Variants in CDH4 observed in about 807,000 individuals in gnomAD.
The protein encoded by CDH4 is cadherin 4, also known as cadherin-4.
In CDH4, 33 loss-of-function variants were observed where a neutral mutation model predicts 86.0. The observed-to-expected ratio is 0.38, with a 90% CI of 0.29 to 0.51. The LOEUF (loss-of-function observed/expected upper bound fraction) is 0.51, where lower values mean the gene tolerates loss of function less well. CDH4 is among the 20% of genes least tolerant of loss of function. The probability of loss-of-function intolerance (pLI) is 0.86; values close to 1 mark genes in which losing one functional copy is unlikely to be tolerated. For missense variants in CDH4, 1,114 were observed against 1,307.4 expected (o/e 0.85, Z 2.28); for synonymous variants, 555 against 549.4 (o/e 1.01, Z -0.14).
At chr20:61,866,474 A>G (rs1983556041) in intron 6 of CDH4, among the ~76,000 whole-genome samples, 1 of 152,240 alleles carries the variant, frequency 6.6e-6, no homozygotes, top group South Asian at 2.1e-4. Context: ...CCTCTGTGCC[A>G]TCACGATTAG....
intron 2 of CDH4, among the ~76,000 whole-genome samples, chr20:61,633,280 C>A (rs543342888): frequency 7.3e-5 from 11 of 151,604 alleles, no homozygotes; most frequent in African/African-American, 2.4e-4. Context: ...TACCCATCCA[C>A]TCATGCATCC....
intron 2 of CDH4, among the ~76,000 whole-genome samples, chr20:61,535,342 G>A (rs1251041352): frequency 3.9e-5 from 6 of 152,220 alleles, no homozygotes; most frequent in Admixed American, 1.3e-4. Flanking sequence ...GCCCCGGGGC[G>A]GCCCTCAGGC....
intron 5 of CDH4, among the ~76,000 whole-genome samples, chr20:61,851,031 C>A (rs1982698695): frequency 6.6e-6 from 1 of 152,236 alleles, no homozygotes; most frequent in Non-Finnish European, 1.5e-5. Context: ...GCCCTGTGAC[C>A]TCTGGGCGTG....
intron 2 of CDH4, among the ~76,000 whole-genome samples, chr20:61,319,795 A>C (rs950004203): frequency 2.6e-5 from 4 of 151,988 alleles, no homozygotes; most frequent in Admixed American, 1.3e-4. Context: ...TAAAAAAAAA[A>C]AAAACAAAAT....
chr20:61,662,796 C>T (rs1206191535), intron 2 of CDH4, among the ~76,000 whole-genome samples: 3 of 152,172 alleles, frequency 2.0e-5, no homozygotes, highest in South Asian at 2.1e-4. Context: ...TGGGAGGTAC[C>T]GTTTCCTGCA....
intron 2 of CDH4, among the ~76,000 whole-genome samples, chr20:61,413,391 C>T (rs1237642338): frequency 6.6e-6 from 1 of 152,188 alleles, no homozygotes; most frequent in African/African-American, 2.4e-5. Context: ...TGTTCCAAGG[C>T]TGCGTGAGTG....
intron 2 of CDH4, among the ~76,000 whole-genome samples, chr20:61,549,240 A>G (rs1235280129): frequency 6.6e-6 from 1 of 152,214 alleles, no homozygotes; most frequent in African/African-American, 2.4e-5. Context: ...TGAAATACGC[A>G]GTGACAGTCG....
At chr20:61,253,907 G>A (rs1015242353) in intron 1 of CDH4, among the ~76,000 whole-genome samples, 4 of 152,198 alleles carry the variant, frequency 2.6e-5, no homozygotes, top group African/African-American at 7.2e-5. Context: ...TGCGCTCGCC[G>A]GGGAGCCAAG....
At chr20:61,548,751 G>C (rs1181319079) in intron 2 of CDH4, among the ~76,000 whole-genome samples, 1 of 152,138 alleles carries the variant, frequency 6.6e-6, no homozygotes, top group Admixed American at 6.5e-5. Context: ...ACAGTTAACA[G>C]GTACACCGTG....
chr20:61,839,751 TTG>T (rs923292178), intron 4 of CDH4, among the ~76,000 whole-genome samples: 33 of 142,408 alleles, frequency 2.3e-4, no homozygotes, highest in East Asian at 9.6e-4. Flanking sequence ...ACATGTATGT[TTG>T]TGTGTTGTAT....
chr20:61,385,892 T>TGG (rs1450268658), intron 2 of CDH4, among the ~76,000 whole-genome samples: 1 of 152,194 alleles, frequency 6.6e-6, no homozygotes, highest in African/African-American at 2.4e-5. Context: ...TGGCATTTGC[T>TGG]ATGTAGATTG....
At chr20:61,439,255 G>A (rs2085301989) in intron 2 of CDH4, among the ~76,000 whole-genome samples, 1 of 152,168 alleles carries the variant, frequency 6.6e-6, no homozygotes, top group African/African-American at 2.4e-5. Context: ...GCTGCAGTGT[G>A]CGTTTCGGTT....
chr20:61,407,298 T>C (rs997841529), intron 2 of CDH4, among the ~76,000 whole-genome samples: 10 of 152,216 alleles, frequency 6.6e-5, no homozygotes, highest in African/African-American at 2.4e-4. Flanking sequence ...TGTCAGGTCC[T>C]TAGAGAAGCC....
chr20:61,870,063 T>C lies in CDH4; in HGVS notation c.878-3665T>C, dbSNP rs1252402609. ...GGCACTCAAAGGGAGTACGCGGGTC[T>C]CTGCCTCACAGTGGATCAGTAACCC... On this transcript the variant is annotated intron_variant, in intron 6 of 15. Transcript: ENST00000614565. Among the ~76,000 whole-genome samples the C allele has an allele frequency of 2.0e-5, 3 of 152,208 alleles. No individual in the cohort carries two copies. The South Asian group carries it at 6.2e-4, about 31-fold the overall frequency.
chr20:61,391,553 CCTT>C (rs1386153712), intron 2 of CDH4, among the ~76,000 whole-genome samples: 7 of 151,378 alleles, frequency 4.6e-5, no homozygotes, highest in African/African-American at 1.7e-4. Flanking sequence ...AGAGGAGGCT[CCTT>C]CTTAGACAGC....
At chr20:61,716,209 T>C (rs531755838) in intron 2 of CDH4, among the ~76,000 whole-genome samples, 13 of 152,200 alleles carry the variant, frequency 8.5e-5, no homozygotes, top group African/African-American at 2.6e-4. Flanking sequence ...GGGCAGATGC[T>C]CCTCACCTGT....
intron 2 of CDH4, among the ~76,000 whole-genome samples, chr20:61,491,470 A>AG (rs1262181114): frequency 1.3e-5 from 2 of 152,254 alleles, no homozygotes; most frequent in African/African-American, 4.8e-5. Context: ...GAACAAAGGA[A>AG]GACAGCACAA....
At chr20:61,818,212 A>ACACTATCTCACAT (rs1382846956) in intron 4 of CDH4, among the ~76,000 whole-genome samples, 14 of 152,056 alleles carry the variant, frequency 9.2e-5, no homozygotes, top group African/African-American at 3.1e-4. Context: ...TATTTCAGCA[A>ACACTATCTCACAT]CACTATCTCA....
At chr20:61,924,225 G>C in intron 10 of CDH4, 109 bp from the exon 11 acceptor site, 1 of 1,127,390 alleles carries the variant, frequency 8.9e-7, no homozygotes, top group East Asian at 2.4e-5. Context: ...AGGAGACAGA[G>C]ACACTGGCCC....
Sources: gnomAD v4.1 joint callset for allele counts (sites outside exome capture counted in the v4.1 genomes callset) on GRCh38, gnomAD v4.1.1 for gene constraint, MANE v1.5 for transcripts, NCBI Gene and HGNC (gene_info 2026-07-23, HGNC 2026-07-21) for gene names.